PALM2AKAP2: variants seen among roughly 807,000 people sequenced by gnomAD.
PALM2AKAP2 encodes the protein PALM2 and AKAP2 fusion, also known as PALM2-AKAP2 fusion protein.
A neutral mutation model predicts 71.5 loss-of-function variants in PALM2AKAP2; 37 were observed. That is an observed-to-expected ratio of 0.52 (90% CI 0.40 to 0.68). The LOEUF (loss-of-function observed/expected upper bound fraction) is 0.68. Among genes scored for constraint, PALM2AKAP2 ranks in the 30% least tolerant of loss-of-function variants. The pLI is 0.00. For synonymous variants in PALM2AKAP2, 468 were observed against 478.8 expected (o/e 0.98, Z 0.29); for missense variants, 1,224 against 1,191.8 (o/e 1.03, Z -0.40).
chr9:110,162,359 G>A (rs968480191), intron 3 of PALM2AKAP2, among the ~76,000 whole-genome samples: 1 of 152,180 alleles, frequency 6.6e-6, no homozygotes, highest in African/African-American at 2.4e-5. Flanking sequence ...CTGTGGGGGC[G>A]AGTGGGAGGG....
chr9:109,844,558 T>TG (rs1354114785), intron 1 of PALM2AKAP2, among the ~76,000 whole-genome samples: 5 of 152,320 alleles, frequency 3.3e-5, no homozygotes, highest in African/African-American at 1.2e-4. Flanking sequence ...AATGAATAGA[T>TG]GGAGAGTTTC....
intron 1 of PALM2AKAP2, among the ~76,000 whole-genome samples, chr9:109,677,899 C>T (rs897715548): frequency 1.3e-5 from 2 of 152,016 alleles, no homozygotes; most frequent in African/African-American, 2.4e-5. Context: ...AAAATCAAGA[C>T]AAATGGGAAA....
At chr9:110,001,002 A>C (rs564011552) in intron 6 of PALM2AKAP2, among the ~76,000 whole-genome samples, 1 of 152,288 alleles carries the variant, frequency 6.6e-6, no homozygotes, top group Non-Finnish European at 1.5e-5. Context: ...TGCTGTGCAG[A>C]AGCTCTTTAG....
intron 1 of PALM2AKAP2, among the ~76,000 whole-genome samples, chr9:109,691,845 T>G (rs1564114772): frequency 2.2e-4 from 4 of 18,354 alleles, no homozygotes; most frequent in African/African-American, 1.3e-3. Flanking sequence ...TATATATATA[T>G]ATATATATAT....
chr9:110,106,189 C>G (rs1013060842), intron 1 of PALM2AKAP2, among the ~76,000 whole-genome samples: 2 of 152,106 alleles, frequency 1.3e-5, no homozygotes, highest in Admixed American at 6.6e-5. Flanking sequence ...AACCTTGGGC[C>G]CATCAGGTTA....
intron 6 of PALM2AKAP2, among the ~76,000 whole-genome samples, chr9:109,994,844 G>T (rs1296955823): frequency 6.6e-6 from 1 of 152,148 alleles, no homozygotes; most frequent in African/African-American, 2.4e-5. Context: ...CCATGGACCT[G>T]GTTCTGGGAG....
At chr9:109,941,221 A>G (rs1295476125) in intron 6 of PALM2AKAP2, among the ~76,000 whole-genome samples, 2 of 146,834 alleles carry the variant, frequency 1.4e-5, no homozygotes, top group Non-Finnish European at 3.0e-5. Flanking sequence ...CTCTGGCCAT[A>G]CAGAAACAGG....
chr9:110,005,662 G>A (rs545448598), intron 6 of PALM2AKAP2, among the ~76,000 whole-genome samples: 7 of 152,316 alleles, frequency 4.6e-5, no homozygotes, highest in South Asian at 2.1e-4. Flanking sequence ...CTTGAGGTGC[G>A]GTGGGCTCCA....
intron 1 of PALM2AKAP2, among the ~76,000 whole-genome samples, chr9:110,064,514 C>T (rs1003622805): frequency 2.0e-5 from 3 of 152,124 alleles, no homozygotes; most frequent in Admixed American, 1.3e-4. Flanking sequence ...GGCTGAGATG[C>T]GAAGATTGCT....
chr9:109,700,598 C>T (rs1044925008), intron 1 of PALM2AKAP2, among the ~76,000 whole-genome samples: 4 of 152,218 alleles, frequency 2.6e-5, no homozygotes, highest in Non-Finnish European at 4.4e-5. Flanking sequence ...TGCCCCATGA[C>T]ATCTCAAAAT....
At chr9:109,836,812 G>C (rs1367260713) in intron 1 of PALM2AKAP2, among the ~76,000 whole-genome samples, 2 of 152,192 alleles carry the variant, frequency 1.3e-5, no homozygotes, top group East Asian at 1.9e-4. Flanking sequence ...AATGAAGTGA[G>C]AAGAGAAGTT....
intron 6 of PALM2AKAP2, among the ~76,000 whole-genome samples, chr9:109,977,757 C>T (rs1832196201): frequency 6.6e-6 from 1 of 151,590 alleles, no homozygotes; most frequent in East Asian, 1.9e-4. Flanking sequence ...TGGGACTCTG[C>T]CCTTCACCCC....
Position 110,141,406 on chromosome 9 carries a change from C to CA in PALM2AKAP2, c.2569+2868dup, listed in dbSNP as rs145130614. ...ATGATATGCATACATGTCATTCCTTCATGTTTATCTCTAGAACATTTAAAG... is the reference window on the plus strand; with the variant it reads ...ATGATATGCATACATGTCATTCCTTCAATGTTTATCTCTAGAACATTTAAAG... On this transcript the variant is annotated intron_variant, in intron 2 of 3. Transcript: ENST00000374525. Among the ~76,000 whole-genome samples, 941 of 152,338 alleles carry CA rather than the reference C, an allele frequency of 6.2e-3. 16 individuals are homozygous for CA. Among genetic ancestry groups the CA allele is most frequent in the African/African-American group, 0.021 (883 of 41,580 alleles).
intron 1 of PALM2AKAP2, 33 bp downstream of exon 1, chr9:109,780,566 A>G (rs778555123): frequency 3.5e-5 from 57 of 1,612,594 alleles, no homozygotes; most frequent in Non-Finnish European, 4.4e-5. Context: ...TTCTTGCTCT[A>G]TTGTCTGGGG....
intron 3 of PALM2AKAP2, among the ~76,000 whole-genome samples, chr9:109,919,287 AT>A (rs1272462039): frequency 1.3e-5 from 2 of 152,214 alleles, no homozygotes; most frequent in Non-Finnish European, 2.9e-5. Flanking sequence ...CCCCTCTTTC[AT>A]GCCACAGCCT....
chr9:109,963,381 A>G (rs1831887104), intron 6 of PALM2AKAP2, among the ~76,000 whole-genome samples: 1 of 152,214 alleles, frequency 6.6e-6, no homozygotes, highest in Non-Finnish European at 1.5e-5. Context: ...GTATTGATTC[A>G]CACAAGGATG....
At chr9:109,874,117 C>T (rs939873885) in intron 2 of PALM2AKAP2, among the ~76,000 whole-genome samples, 8 of 152,072 alleles carry the variant, frequency 5.3e-5, no homozygotes, top group African/African-American at 1.9e-4. Context: ...TGCTAAAGTA[C>T]AGTGTATGTG....
chr9:109,687,409 G>A (rs980771220), intron 1 of PALM2AKAP2, among the ~76,000 whole-genome samples: 18 of 152,162 alleles, frequency 1.2e-4, no homozygotes, highest in Non-Finnish European at 2.5e-4. Context: ...TAGATCTTCT[G>A]GATTATTTGC....
intron 1 of PALM2AKAP2, among the ~76,000 whole-genome samples, chr9:109,663,760 T>C (rs10121334): frequency 0.28 from 42,452 of 152,004 alleles, 6,664 homozygotes; most frequent in African/African-American, 0.43. Flanking sequence ...TTCCATCTCA[T>C]TGATCTGTCT....
Sources: allele counts gnomAD v4.1 joint callset (sites outside exome capture counted in the v4.1 genomes callset), GRCh38; gene constraint gnomAD v4.1.1; transcripts MANE v1.5; gene names NCBI Gene and HGNC (gene_info 2026-07-23, HGNC 2026-07-21).